The following DOCK2 variants were observed in gnomAD, a reference collection of about 807,000 sequenced individuals.
DOCK2 encodes the protein dedicator of cytokinesis 2.
Under a neutral mutation model 248.9 loss-of-function variants are expected in DOCK2, and 87 were observed. The observed-to-expected ratio is 0.35, with a 90% CI of 0.29 to 0.42. DOCK2 has a LOEUF of 0.42. Ranked by LOEUF, DOCK2 falls within the 10% of genes least tolerant of loss-of-function variation. DOCK2 has a pLI of 1.00. For synonymous variants in DOCK2, 805 were observed against 821.6 expected, an observed-to-expected ratio of 0.98 and a Z score of 0.35; for missense variants, 1,747 against 2,300.2, an observed-to-expected ratio of 0.76 and a Z score of 4.92.
chr5:169,793,362 T>G (rs1766466658), intron 25 of DOCK2, among the ~76,000 whole-genome samples: 2 of 152,300 alleles, frequency 1.3e-5, no homozygotes, highest in Admixed American at 1.3e-4. Flanking sequence ...TCCCCTGCAC[T>G]GTTATAGTAA....
At chr5:169,670,500 C>A in intron 3 of DOCK2, 42 bp from the exon 4 acceptor site, 1 of 1,575,458 alleles carries the variant, frequency 6.3e-7, no homozygotes, top group Non-Finnish European at 8.6e-7. Context: ...GGTGATATAT[C>A]TTTTTATTTT....
In DOCK2 at chr5:169,927,863, G is replaced by A. The variant is rs558107905; in HGVS notation, c.2800-55205G>A. On this transcript the variant is annotated intron_variant, in intron 27 of 51. Transcript: ENST00000520908. Reference sequence around the variant, plus strand: ...AATCTCCTGACCTCATGATCCACCCGTCTCGGCCTCCCAAAGTGCTGGGAT... The same window carrying A: ...AATCTCCTGACCTCATGATCCACCCATCTCGGCCTCCCAAAGTGCTGGGAT... Among the ~76,000 whole-genome samples the A allele has an allele frequency of 3.9e-5, 6 of 152,222 alleles. No individual in the cohort carries two copies. The South Asian group carries it at 6.2e-4, about 16-fold the overall frequency.
intron 40 of DOCK2, among the ~76,000 whole-genome samples, chr5:170,050,039 A>T (rs949601048): frequency 3.3e-5 from 5 of 152,174 alleles, no homozygotes; most frequent in African/African-American, 1.2e-4. Context: ...AGCATCCATG[A>T]TCTTCCCTTC....
intron 22 of DOCK2, among the ~76,000 whole-genome samples, chr5:169,722,610 T>C (rs767430875): frequency 6.6e-5 from 10 of 152,234 alleles, no homozygotes; most frequent in African/African-American, 9.6e-5. Flanking sequence ...CATCCTCATC[T>C]ATAAATGGGG....
intron 27 of DOCK2, among the ~76,000 whole-genome samples, chr5:169,981,160 GA>G (rs1284019470): frequency 6.6e-6 from 1 of 152,196 alleles, no homozygotes; most frequent in East Asian, 1.9e-4. Context: ...TGCTGACAAG[GA>G]AAGCATGCTA....
chr5:169,642,686 G>A (rs1197163033), intron 1 of DOCK2, among the ~76,000 whole-genome samples: 1 of 152,198 alleles, frequency 6.6e-6, no homozygotes. Flanking sequence ...AGCAATTTGG[G>A]TCTGTTTAGG....
chr5:169,981,278 T>C (rs1441409329), intron 27 of DOCK2, among the ~76,000 whole-genome samples: 1 of 152,232 alleles, frequency 6.6e-6, no homozygotes, highest in Non-Finnish European at 1.5e-5. Context: ...AAAGGCTTCC[T>C]GTTTCTCTAC....
At chr5:169,643,067 C>T (rs1432128229) in intron 1 of DOCK2, among the ~76,000 whole-genome samples, 1 of 152,202 alleles carries the variant, frequency 6.6e-6, no homozygotes, top group Non-Finnish European at 1.5e-5. Flanking sequence ...TGGGCGGAGA[C>T]ACCACAAATG....
intron 27 of DOCK2, among the ~76,000 whole-genome samples, chr5:169,939,664 G>A (rs943104496): frequency 2.6e-5 from 4 of 152,096 alleles, no homozygotes; most frequent in Admixed American, 2.6e-4. Flanking sequence ...TAGGAGGTAG[G>A]AATTTTTCAG....
chr5:170,050,429 C>T, intron 41 of DOCK2, 32 bp downstream of exon 41: 1 of 1,600,112 alleles, frequency 6.2e-7, no homozygotes, highest in South Asian at 1.1e-5. Context: ...GCCAAGGGGC[C>T]AGACCTGAGC....
chr5:169,643,546 C>T (rs1757270459), intron 1 of DOCK2, among the ~76,000 whole-genome samples: 1 of 152,196 alleles, frequency 6.6e-6, no homozygotes, highest in Non-Finnish European at 1.5e-5. Context: ...GTTCCTGCTC[C>T]TGTGAGAATC....
chr5:169,965,158 A>G (rs889661843), intron 27 of DOCK2, among the ~76,000 whole-genome samples: 1 of 152,214 alleles, frequency 6.6e-6, no homozygotes, highest in African/African-American at 2.4e-5. Flanking sequence ...GATTGCAGAG[A>G]AGGCTTACAA....
At chr5:170,080,382 G>A (rs1431336539) in intron 50 of DOCK2, 99 bp downstream of exon 50, 4 of 1,549,442 alleles carry the variant, frequency 2.6e-6, no homozygotes, top group African/African-American at 2.7e-5. Flanking sequence ...ACACAACAAA[G>A]TGGGCCAGGC....
intron 32 of DOCK2, among the ~76,000 whole-genome samples, chr5:170,015,567 T>TTTTTTTTG (rs113103035): frequency 1.3e-5 from 2 of 151,076 alleles, no homozygotes; most frequent in African/African-American, 2.4e-5. Context: ...TTTAGGTTTT[T>TTTTTTTTG]TTTGTTTGTT....
intron 27 of DOCK2, among the ~76,000 whole-genome samples, chr5:169,912,841 CT>C (rs147506670): frequency 4.1e-5 from 6 of 147,610 alleles, no homozygotes; most frequent in Admixed American, 1.4e-4. Flanking sequence ...GGAGGTACTT[CT>C]TTTTTTTTTC....
chr5:169,705,087 T>C (rs1014932970), intron 14 of DOCK2, among the ~76,000 whole-genome samples: 3 of 152,080 alleles, frequency 2.0e-5, no homozygotes, highest in South Asian at 4.2e-4. Flanking sequence ...GCTTGAACCC[T>C]GGAGGCAGAG....
intron 44 of DOCK2, among the ~76,000 whole-genome samples, chr5:170,064,190 G>A (rs907498647): frequency 4.6e-5 from 7 of 152,138 alleles, no homozygotes; most frequent in African/African-American, 1.7e-4. Context: ...AGAGAGAGCT[G>A]TCTTATCTAA....
intron 27 of DOCK2, among the ~76,000 whole-genome samples, chr5:169,878,277 T>C (rs1401093523): frequency 1.3e-5 from 2 of 152,056 alleles, no homozygotes; most frequent in East Asian, 3.9e-4. Flanking sequence ...TCCACCTTCA[T>C]GGTTTTTGCA....
chr5:170,038,895 G>A (rs1284866358), intron 36 of DOCK2, among the ~76,000 whole-genome samples: 4 of 152,202 alleles, frequency 2.6e-5, no homozygotes, highest in Non-Finnish European at 4.4e-5. Flanking sequence ...CTAAGGCATC[G>A]AGGATGGGCA....
Sources: gnomAD v4.1 joint callset for allele counts (sites outside exome capture counted in the v4.1 genomes callset) on GRCh38, gnomAD v4.1.1 for gene constraint, MANE v1.5 for transcripts, NCBI Gene and HGNC (gene_info 2026-07-23, HGNC 2026-07-21) for gene names.